Variants in ATP6V0D1 observed in about 807,000 individuals in gnomAD.
ATP6V0D1 encodes the protein V-type proton ATPase subunit d 1.
Under a neutral mutation model 39.0 loss-of-function variants are expected in ATP6V0D1, and 13 were observed. That is an observed-to-expected ratio of 0.33 (90% CI 0.22 to 0.53). The LOEUF (loss-of-function observed/expected upper bound fraction) is 0.53, where lower values mean the gene tolerates loss of function less well. ATP6V0D1 is among the 20% of genes least tolerant of loss of function. ATP6V0D1 has a pLI of 0.94. For synonymous variants in ATP6V0D1, 191 were observed against 191.2 expected (o/e 1.00, Z 0.01); for missense variants, 272 against 470.9 (o/e 0.58, Z 3.91).
intron 1 of ATP6V0D1, among the ~76,000 whole-genome samples, chr16:67,469,565 C>T (rs2041356647): frequency 6.6e-6 from 1 of 151,996 alleles, no homozygotes; most frequent in African/African-American, 2.4e-5. Context: ...TGGGAGTCTT[C>T]AGGTGTAAAG....
At position 67,480,091 on chromosome 16, in the gene ATP6V0D1, T is replaced by C. The variant is rs1376423518; in HGVS notation, c.130+866A>G. Among the ~76,000 whole-genome samples, 6 of 123,200 alleles carry C rather than the reference T, an allele frequency of 4.9e-5. 1 individual carries two copies. The South Asian group carries it at 7.0e-4, about 14-fold the overall frequency. The allele number at this position is 123,200 out of a possible 152,430, so 80.8% of individuals were successfully genotyped here. A position where few individuals can be genotyped will look rare whatever the true frequency, so the allele number is the denominator to read the frequency against. On this transcript the variant is annotated intron_variant, in intron 1 of 7. Transcript: ENST00000290949. ...GCGGGCGCCTGTAGTCCCAGCTACTTGGGAGGCTGAGGCAGGAGAATGGCG... is the reference window on the plus strand; with the variant it reads ...GCGGGCGCCTGTAGTCCCAGCTACTCGGGAGGCTGAGGCAGGAGAATGGCG...
chr16:67,454,014 C>A lies in ATP6V0D1; in HGVS notation c.131-299G>T, dbSNP rs185142310. On this transcript the variant is annotated intron_variant, in intron 1 of 7. Coordinates refer to ENST00000290949, the MANE Select transcript of ATP6V0D1 (RefSeq NM_004691.5). ...CTGGGAAATTCCAAGGTCCAATCCA[C>A]AACCCACAGCCTTTGAAGCCCTTCT... Among the ~76,000 whole-genome samples, 8 of 152,334 alleles carry A rather than the reference C, an allele frequency of 5.3e-5. No homozygotes were observed. In the South Asian group the frequency reaches 6.2e-4, roughly 12 times the overall value.
At chr16:67,439,206 A>G (rs748502891) in intron 5 of ATP6V0D1, 59 bp from the exon 6 acceptor site, 8 of 1,613,578 alleles carry the variant, frequency 5.0e-6, no homozygotes, top group Non-Finnish European at 6.8e-6. Flanking sequence ...GTAGCCAGTC[A>G]GTTGGCAGAG....
intron 2 of ATP6V0D1, among the ~76,000 whole-genome samples, chr16:67,448,426 G>A (rs8048106): frequency 0.082 from 12,407 of 152,100 alleles, 1,674 homozygotes; most frequent in African/African-American, 0.28. Flanking sequence ...TTGGGAGGCC[G>A]AGGAGGGCGG....
intron 1 of ATP6V0D1, among the ~76,000 whole-genome samples, chr16:67,476,992 G>A (rs2041419680): frequency 7.2e-6 from 1 of 139,578 alleles, no homozygotes. Flanking sequence ...GAGATGTCCA[G>A]CCTGGGTGAC....
At chr16:67,461,742 G>T (rs181905526) in intron 1 of ATP6V0D1, among the ~76,000 whole-genome samples, 23 of 152,318 alleles carry the variant, frequency 1.5e-4, no homozygotes, top group Non-Finnish European at 3.1e-4. Flanking sequence ...GGGCCAATCT[G>T]CAGAGATGGT....
At chr16:67,470,774 G>A (rs1240808689) in intron 1 of ATP6V0D1, among the ~76,000 whole-genome samples, 1 of 151,106 alleles carries the variant, frequency 6.6e-6, no homozygotes, top group Non-Finnish European at 1.5e-5. Context: ...CCCTTCTCTG[G>A]TAGCCCGTAT....
intron 1 of ATP6V0D1, among the ~76,000 whole-genome samples, chr16:67,476,840 A>C (rs1567543739): frequency 6.6e-6 from 1 of 152,072 alleles, no homozygotes; most frequent in East Asian, 1.9e-4. Flanking sequence ...GTTCCAGACC[A>C]GCCTGGGCAA....
rs1459151843 is a variant in ATP6V0D1, at chr16:67,468,528, C to T, written c.130+12429G>A. Among the ~76,000 whole-genome samples, 5 of 148,332 alleles carry T rather than the reference C, an allele frequency of 3.4e-5. No individual in the cohort carries two copies. In the South Asian group the frequency reaches 8.6e-4, roughly 25 times the overall value. On this transcript the variant is annotated intron_variant, in intron 1 of 7. Coordinates refer to ENST00000290949, the MANE Select transcript of ATP6V0D1 (RefSeq NM_004691.5). ...GCTTGAGCCTGGGAGGTCAAGGCTG[C>T]GGTGAGTTGTGTTTGGGTCACTGTA...
intron 1 of ATP6V0D1, 81 bp downstream of exon 1, chr16:67,480,876 C>A (rs369567811): frequency 2.1e-5 from 33 of 1,558,102 alleles, no homozygotes; most frequent in Admixed American, 3.7e-5. Context: ...CAAGACCCCC[C>A]CTTCCGGCTT....
At chr16:67,470,777 G>A (rs1597583232) in intron 1 of ATP6V0D1, among the ~76,000 whole-genome samples, 1 of 150,336 alleles carries the variant, frequency 6.7e-6, no homozygotes, top group African/African-American at 2.5e-5. Flanking sequence ...TTCTCTGGTA[G>A]CCCGTATCTC....
intron 1 of ATP6V0D1, chr16:67,459,025 T>G: frequency 2.0e-6 from 2 of 980,414 alleles, no homozygotes; most frequent in Non-Finnish European, 2.4e-6. Context: ...CAGCAGTCCA[T>G]GTAGCCCTGA....
chr16:67,455,504 G>C (rs1177899022), intron 1 of ATP6V0D1: 1 of 152,192 alleles, frequency 6.6e-6, no homozygotes, highest in Non-Finnish European at 1.5e-5. Flanking sequence ...CACTCATGGA[G>C]TGAACTTCAA....
At chr16:67,449,615 C>T (rs924781704) in intron 2 of ATP6V0D1, among the ~76,000 whole-genome samples, 11 of 152,276 alleles carry the variant, frequency 7.2e-5, no homozygotes, top group African/African-American at 2.7e-4. Context: ...AGACAGCTGC[C>T]TCTTCTCCAG....
At chr16:67,473,065 A>G (rs2041386995) in intron 1 of ATP6V0D1, among the ~76,000 whole-genome samples, 1 of 151,930 alleles carries the variant, frequency 6.6e-6, no homozygotes, top group Admixed American at 6.6e-5. Flanking sequence ...ATCTATCCAG[A>G]CCTCGCTGCT....
intron 1 of ATP6V0D1, among the ~76,000 whole-genome samples, chr16:67,471,824 C>A (rs958688484): frequency 6.6e-6 from 1 of 150,766 alleles, no homozygotes; most frequent in Non-Finnish European, 1.5e-5. Flanking sequence ...GAGATTGGGC[C>A]GGGGGGTGGT....
chr16:67,467,046 C>T (rs1011054454), intron 1 of ATP6V0D1, among the ~76,000 whole-genome samples: 1 of 152,142 alleles, frequency 6.6e-6, no homozygotes, highest in African/African-American at 2.4e-5. Flanking sequence ...TTATCTAAGT[C>T]TCAACTCCTT....
At position 67,439,088 on chromosome 16, in the gene ATP6V0D1, G is replaced by A; in HGVS notation, c.699C>T (p.Ser233=). The part of the protein sequence containing the change: ...ITINSFGTEL[S]KEDRAKLFPH... The stretch of plus-strand genomic sequence containing the variant: ...GAAAGAGCTTGGCACGGTCCTCTTT[G>A]GACAGCTCTGTGCCGAAAGAATTGA... Residue 233 remains serine (S), a synonymous_variant, in exon 6 of 8, where the codon TCC becomes TCT. Transcript: ENST00000290949. 6.2e-7 allele frequency: 1 copy of A among 1,614,226 alleles called. No individual in the cohort carries two copies. Among genetic ancestry groups the A allele is most frequent in the East Asian group, 2.2e-5 (1 of 44,884 alleles).
At position 67,438,915 on chromosome 16, in the gene ATP6V0D1, T is replaced by G. The variant is rs771215798; in HGVS notation, c.817-45A>C. On this transcript the variant is annotated intron_variant, in intron 6 of 7. Coordinates refer to ENST00000290949, the MANE Select transcript of ATP6V0D1 (RefSeq NM_004691.5). ...GAAGCACAAGCATGAGGGTTCTGGG[T>G]GGGGGTGCTTGGTGACAACACATCC... 4.3e-6 allele frequency: 7 copies of G among 1,611,480 alleles called. No homozygotes were observed. In the South Asian group the frequency reaches 6.6e-5, roughly 15 times the overall value.
Sources: allele counts gnomAD v4.1 joint callset (sites outside exome capture counted in the v4.1 genomes callset), GRCh38; gene constraint gnomAD v4.1.1; transcripts MANE v1.5; gene names NCBI Gene and HGNC (gene_info 2026-07-23, HGNC 2026-07-21).